CDH23: variants seen among roughly 807,000 people sequenced by gnomAD.
CDH23 encodes cadherin related 23, also known as cadherin-23.
In CDH23, 189 loss-of-function variants were observed where a neutral mutation model predicts 317.1. The observed-to-expected ratio is 0.60, with a 90% CI of 0.53 to 0.67. CDH23 has a LOEUF of 0.67. CDH23 is among the 30% of genes least tolerant of loss of function. The pLI is 0.00. For missense variants in CDH23, 4,401 were observed against 4,592.4 expected, an observed-to-expected ratio of 0.96 and a Z score of 1.20; for synonymous variants, 1,839 against 1,876.8, an observed-to-expected ratio of 0.98 and a Z score of 0.52.
At chr10:71,541,463 G>A (rs1369833474) in intron 6 of CDH23, among the ~76,000 whole-genome samples, 3 of 152,230 alleles carry the variant, frequency 2.0e-5, no homozygotes, top group African/African-American at 4.8e-5. Flanking sequence ...GGGCTAGAGG[G>A]CAGGTCCCAG....
At chr10:71,625,403 A>AC (rs1375900722) in intron 11 of CDH23, among the ~76,000 whole-genome samples, 1 of 130,708 alleles carries the variant, frequency 7.7e-6, no homozygotes. Context: ...AATTAAAAAA[A>AC]AAAAAAAAAA....
At chr10:71,566,122 G>A (rs1047808797) in intron 6 of CDH23, among the ~76,000 whole-genome samples, 7 of 152,206 alleles carry the variant, frequency 4.6e-5, no homozygotes, top group African/African-American at 1.7e-4. Flanking sequence ...CACGGATGGT[G>A]AGGAGGAGAG....
At chr10:71,554,708 C>T (rs1015163402) in intron 6 of CDH23, among the ~76,000 whole-genome samples, 2 of 150,372 alleles carry the variant, frequency 1.3e-5, no homozygotes, top group African/African-American at 4.9e-5. Flanking sequence ...AGTTTTCTGC[C>T]TCTGCAGAAA....
At chr10:71,779,471 A>G (rs762315929) in intron 41 of CDH23, 24 bp downstream of exon 41, 4 of 1,577,508 alleles carry the variant, frequency 2.5e-6, no homozygotes, top group Non-Finnish European at 3.5e-6. Flanking sequence ...GGGGCATGCC[A>G]CCCACAGGGT....
intron 38 of CDH23, among the ~76,000 whole-genome samples, chr10:71,746,948 C>G (rs531535580): frequency 6.6e-6 from 1 of 152,316 alleles, no homozygotes; most frequent in African/African-American, 2.4e-5. Context: ...AGAGCAGAGG[C>G]CCCTTCTGTT....
rs113846578 is a variant in CDH23, at chr10:71,537,147, C to T, written c.429+25935C>T. On this transcript the variant is annotated intron_variant, in intron 6 of 69. Coordinates refer to ENST00000224721, the MANE Select transcript of CDH23 (RefSeq NM_022124.6). ...ATGGCTGAGGGCCTGGGGGTGAAAG[C>T]AAGAGGCAAGTGCCCACCCTTTGGG... 2.6e-3 allele frequency among the ~76,000 whole-genome samples: 395 copies of T among 152,102 alleles called. 2 individuals carry two copies. Among genetic ancestry groups the T allele is most frequent in the African/African-American group, 9.1e-3 (376 of 41,484 alleles).
At chr10:71,471,619 AG>A (rs1350010297) in intron 3 of CDH23, among the ~76,000 whole-genome samples, 3 of 152,192 alleles carry the variant, frequency 2.0e-5, no homozygotes, top group Admixed American at 2.0e-4. Flanking sequence ...CTGCACCAGG[AG>A]GGCCAGCGCC....
intron 55 of CDH23, 129 bp from the exon 56 acceptor site, chr10:71,805,677 T>A: frequency 1.1e-6 from 1 of 917,550 alleles, no homozygotes; most frequent in African/African-American, 1.7e-5. Context: ...AGGCAGGCGC[T>A]CCTGGCGGGT....
rs764253276 is a variant in CDH23 at position 71,813,185 on chromosome 10, C to A, written c.9634-59C>A. On this transcript the variant is annotated intron_variant, in intron 68 of 69. Transcript: ENST00000224721. The stretch of plus-strand genomic sequence containing the variant: ...ACCCCTTACTCCCAGAGGGAGTGGG[C>A]GAGGGGCGGGGCAGGCAGGGGAGGG... The A allele has an allele frequency of 2.1e-6, 3 of 1,461,468 alleles. No homozygotes were observed. In the South Asian group the frequency reaches 3.7e-5, roughly 18 times the overall value. The allele number at this position is 1,461,468 out of a possible 1,614,324, so 90.5% of individuals were successfully genotyped here. A position where few individuals can be genotyped will look rare whatever the true frequency, so the allele number is the denominator to read the frequency against.
chr10:71,616,305 G>T (rs1861188017), intron 10 of CDH23, among the ~76,000 whole-genome samples: 1 of 152,228 alleles, frequency 6.6e-6, no homozygotes, highest in East Asian at 1.9e-4. Context: ...CTGGGAAGGA[G>T]GCCCTTCCAG....
chr10:71,777,797 A>G lies in CDH23; in HGVS notation c.4963A>G (p.Ile1655Val). The change falls in exon 39 of 70, where the codon ATC becomes GTC. Residue 1655 changes from isoleucine to valine, a missense_variant. Physicochemically the swap from Ile to Val is conservative, Grantham distance 29 (BLOSUM62 3). This residue lies in a region of CDH23 where 3,068 missense variants were observed against 3,203.3 expected (regional missense o/e 0.96). Coordinates refer to ENST00000224721, the MANE Select transcript of CDH23 (RefSeq NM_022124.6). ...EGPDTLNTSL[I>V]TIQALDLDEG... ...CCCAGACACGCTCAACACCAGCCTC[A>G]TCACCATCCAGGCACTGGACCTGGA... 6.2e-7 allele frequency: 1 copy of G among 1,612,728 alleles called. No homozygotes were observed. The highest frequency in any genetic ancestry group is 8.5e-7 in the Non-Finnish European group (1 of 1,178,786).
At chr10:71,800,825 G>A in intron 53 of CDH23, 70 bp downstream of exon 53, 2 of 1,578,188 alleles carry the variant, frequency 1.3e-6, no homozygotes, top group Non-Finnish European at 1.7e-6. Context: ...AAAGCCTCTA[G>A]CAAGTGGACT....
intron 1 of CDH23, among the ~76,000 whole-genome samples, chr10:71,421,898 G>A (rs748877926): frequency 3.9e-5 from 6 of 151,924 alleles, no homozygotes; most frequent in Non-Finnish European, 5.9e-5. Context: ...GTCGTGTGAA[G>A]CTTTTGGGTC....
At chr10:71,555,637 G>A (rs777406736) in intron 6 of CDH23, among the ~76,000 whole-genome samples, 4 of 152,202 alleles carry the variant, frequency 2.6e-5, no homozygotes, top group Admixed American at 6.5e-5. Context: ...ATGGCAGGTG[G>A]CACTGGGGGA....
intron 3 of CDH23, among the ~76,000 whole-genome samples, chr10:71,468,177 A>G (rs1232269408): frequency 6.6e-6 from 1 of 152,186 alleles, no homozygotes; most frequent in African/African-American, 2.4e-5. Context: ...TGGCTCTGCC[A>G]AGCCCTGGAG....
At chr10:71,679,933 T>C (rs1218259020) in intron 17 of CDH23, among the ~76,000 whole-genome samples, 1 of 152,142 alleles carries the variant, frequency 6.6e-6, no homozygotes, top group Non-Finnish European at 1.5e-5. Context: ...TGGTAGGAAA[T>C]AGCAGCAACC....
In CDH23 at chr10:71,707,067, G is replaced by A. The variant is rs371757518; in HGVS notation, c.3106+18G>A. 46 of 1,590,518 alleles carry A rather than the reference G, an allele frequency of 2.9e-5. No homozygotes were observed. The highest frequency in any genetic ancestry group is 3.7e-5 in the Non-Finnish European group (43 of 1,169,038). On this transcript the variant is annotated intron_variant, in intron 26 of 69. Coordinates refer to ENST00000224721, the MANE Select transcript of CDH23 (RefSeq NM_022124.6). ...CATCACAGGTGCTGCCCCGGCCTCC[G>A]CCCACCTGTGCAGGCCTCCTGGGGC...
At chr10:71,525,370 G>A (rs1054583099) in intron 6 of CDH23, among the ~76,000 whole-genome samples, 5 of 152,214 alleles carry the variant, frequency 3.3e-5, no homozygotes. Context: ...AGTGGGACAT[G>A]TGTTCTAAAG....
chr10:71,568,401 A>T (rs1184728669), intron 7 of CDH23, among the ~76,000 whole-genome samples: 1 of 152,206 alleles, frequency 6.6e-6, no homozygotes, highest in Admixed American at 6.5e-5. Context: ...CCGCTGTGGG[A>T]TAATTTCCAC....
Sources: gnomAD v4.1 joint callset for allele counts (sites outside exome capture counted in the v4.1 genomes callset) on GRCh38, gnomAD v4.1.1 for gene constraint, gnomAD v4.1.1 regional missense constraint, MANE v1.5 for transcripts, NCBI Gene and HGNC (gene_info 2026-07-23, HGNC 2026-07-21) for gene names.